ZFAND3: variants seen among roughly 807,000 people sequenced by gnomAD.
The protein encoded by ZFAND3 is zinc finger AN1-type containing 3.
ZFAND3 carries 10 observed loss-of-function variants against 29.6 expected under a neutral mutation model. The observed-to-expected ratio is 0.34, with a 90% CI of 0.21 to 0.57. ZFAND3 has a LOEUF of 0.57. Among genes scored for constraint, ZFAND3 ranks in the 20% least tolerant of loss-of-function variants. The pLI is 0.86. For missense variants in ZFAND3, 230 were observed against 304.5 expected, an observed-to-expected ratio of 0.76 and a Z score of 1.82; for synonymous variants, 128 against 112.6, an observed-to-expected ratio of 1.14 and a Z score of -0.87.
Position 38,152,305 on chromosome 6 carries a change from C to G in ZFAND3, c.600C>G (p.Gly200=). 1 of 1,610,112 alleles carries G rather than the reference C, an allele frequency of 6.2e-7. No homozygotes were observed. Among genetic ancestry groups the G allele is most frequent in the Non-Finnish European group, 8.5e-7 (1 of 1,178,298 alleles). The change falls in exon 6 of 6, where the codon GGC becomes GGG. Residue 200 remains glycine, a synonymous_variant. Transcript: ENST00000287218. ...HDCTFDHMGR[G]REEAIMKMVK... ...GCACATTCGACCACATGGGCCGTGG[C>G]CGGGAGGAAGCCATCATGAAAATGG...
intron 2 of ZFAND3, among the ~76,000 whole-genome samples, chr6:38,029,923 A>G (rs1372949727): frequency 1.3e-5 from 2 of 151,760 alleles, no homozygotes; most frequent in East Asian, 1.9e-4. Context: ...TAAAGTTTAT[A>G]TTTGCCTTAA....
chr6:38,068,020 C>A (rs768147980), intron 3 of ZFAND3, among the ~76,000 whole-genome samples: 1 of 152,112 alleles, frequency 6.6e-6, no homozygotes, highest in Non-Finnish European at 1.5e-5. Context: ...GGATTAATGG[C>A]AAGAAATGGA....
At chr6:37,989,365 T>C (rs932384737) in intron 2 of ZFAND3, among the ~76,000 whole-genome samples, 4 of 152,220 alleles carry the variant, frequency 2.6e-5, no homozygotes. Context: ...AGTCCAAGAT[T>C]ACATGCTGGC....
At chr6:38,077,770 A>AT (rs1474969177) in intron 3 of ZFAND3, among the ~76,000 whole-genome samples, 2 of 152,188 alleles carry the variant, frequency 1.3e-5, no homozygotes, top group Non-Finnish European at 2.9e-5. Context: ...AAGAAATGGT[A>AT]TTTTTCTGTA....
At chr6:37,903,961 G>A (rs1439025595) in intron 1 of ZFAND3, among the ~76,000 whole-genome samples, 4 of 151,982 alleles carry the variant, frequency 2.6e-5, no homozygotes, top group Non-Finnish European at 5.9e-5. Context: ...TGGCCTGCTT[G>A]GAAAGGAATA....
chr6:38,016,466 T>C (rs1238375350), intron 2 of ZFAND3, among the ~76,000 whole-genome samples: 1 of 152,182 alleles, frequency 6.6e-6, no homozygotes, highest in African/African-American at 2.4e-5. Flanking sequence ...GAGAACACAC[T>C]GGAGTTATAT....
At chr6:37,923,796 A>C (rs1761429570) in intron 1 of ZFAND3, among the ~76,000 whole-genome samples, 1 of 152,214 alleles carries the variant, frequency 6.6e-6, no homozygotes, top group Non-Finnish European at 1.5e-5. Context: ...TGATGAAAGT[A>C]TCATTATGCA....
At chr6:37,839,877 T>C (rs1764041087) in intron 1 of ZFAND3, among the ~76,000 whole-genome samples, 1 of 152,194 alleles carries the variant, frequency 6.6e-6, no homozygotes, top group Non-Finnish European at 1.5e-5. Flanking sequence ...TTGCAAATTT[T>C]TTTCCCATTT....
In ZFAND3 at chr6:38,060,193, G is replaced by A. The variant is rs537348569; in HGVS notation, c.113-1400G>A. Reference sequence around the variant, plus strand: ...TGACTGTGGAACCTGAGTATATGCGGGAGTTCTGAAACCAGTCCCCTGTGT... The same window carrying A: ...TGACTGTGGAACCTGAGTATATGCGAGAGTTCTGAAACCAGTCCCCTGTGT... On this transcript the variant is annotated intron_variant, in intron 2 of 5. Transcript: ENST00000287218. 4.6e-4 allele frequency among the ~76,000 whole-genome samples: 70 copies of A among 152,158 alleles called. 1 individual carries two copies. Among genetic ancestry groups the A allele is most frequent in the Non-Finnish European group, 4.1e-4 (28 of 67,996 alleles).
chr6:38,127,748 AC>A (rs1296364932), intron 5 of ZFAND3, among the ~76,000 whole-genome samples: 4 of 151,466 alleles, frequency 2.6e-5, no homozygotes, highest in Admixed American at 2.0e-4. Flanking sequence ...GTAGTCCCTC[AC>A]CTCAGATCAC....
intron 4 of ZFAND3, among the ~76,000 whole-genome samples, chr6:38,097,244 T>TTTTC (rs1483586185): frequency 1.4e-5 from 2 of 143,782 alleles, no homozygotes; most frequent in African/African-American, 5.4e-5. Context: ...CCCGGTTAAT[T>TTTTC]TTTCATTTTT....
At chr6:37,938,104 T>C (rs534073674) in intron 2 of ZFAND3, among the ~76,000 whole-genome samples, 27 of 152,240 alleles carry the variant, frequency 1.8e-4, no homozygotes, top group Non-Finnish European at 3.2e-4. Context: ...CTTTTTATTA[T>C]GAATGGGCAT....
chr6:38,010,473 GATTA>G (rs1315489382), intron 2 of ZFAND3, among the ~76,000 whole-genome samples: 2 of 152,102 alleles, frequency 1.3e-5, no homozygotes, highest in Non-Finnish European at 1.5e-5. Context: ...ATTTTGATTA[GATTA>G]ATTCAGGTTT....
At chr6:37,848,676 A>G (rs1764224953) in intron 1 of ZFAND3, among the ~76,000 whole-genome samples, 1 of 152,206 alleles carries the variant, frequency 6.6e-6, no homozygotes, top group Non-Finnish European at 1.5e-5. Flanking sequence ...AAACTTACAA[A>G]CTGGAGAGAG....
At chr6:37,913,884 TTA>T (rs889621139) in intron 1 of ZFAND3, among the ~76,000 whole-genome samples, 2 of 151,746 alleles carry the variant, frequency 1.3e-5, no homozygotes, top group African/African-American at 2.4e-5. Context: ...CTAATTTTTT[TTA>T]TTTTATTTTT....
intron 2 of ZFAND3, among the ~76,000 whole-genome samples, chr6:38,001,522 T>C (rs1762948260): frequency 1.3e-5 from 2 of 152,242 alleles, no homozygotes; most frequent in African/African-American, 4.8e-5. Flanking sequence ...ACATAAACTC[T>C]ATTACAGTCT....
At chr6:37,852,586 A>G (rs1286409461) in intron 1 of ZFAND3, among the ~76,000 whole-genome samples, 1 of 151,746 alleles carries the variant, frequency 6.6e-6, no homozygotes, top group Non-Finnish European at 1.5e-5. Context: ...TTTGGAATGT[A>G]TTTCTGCCAC....
At chr6:37,872,624 C>T (rs749314405) in intron 1 of ZFAND3, among the ~76,000 whole-genome samples, 2 of 152,156 alleles carry the variant, frequency 1.3e-5, no homozygotes, top group Admixed American at 6.5e-5. Flanking sequence ...CTGAAATTTA[C>T]GTAAATGATA....
intron 5 of ZFAND3, among the ~76,000 whole-genome samples, chr6:38,119,101 A>G (rs1015525569): frequency 2.6e-5 from 4 of 152,230 alleles, no homozygotes; most frequent in Non-Finnish European, 5.9e-5. Context: ...CACTGAGAGC[A>G]TTACACTTAT....
Sources: gnomAD v4.1 joint callset for allele counts (sites outside exome capture counted in the v4.1 genomes callset) on GRCh38, gnomAD v4.1.1 for gene constraint, MANE v1.5 for transcripts, NCBI Gene and HGNC (gene_info 2026-07-23, HGNC 2026-07-21) for gene names.